The following CAST variants were observed in gnomAD, a reference collection of about 807,000 sequenced individuals.
CAST encodes the protein calpastatin.
Under a neutral mutation model 119.6 loss-of-function variants are expected in CAST, and 76 were observed. The observed-to-expected ratio is 0.64, with a 90% CI of 0.53 to 0.77. CAST has a LOEUF of 0.77. Among genes scored for constraint, CAST ranks in the 30% least tolerant of loss-of-function variants. The pLI is 0.00. For missense variants in CAST, 953 were observed against 946.5 expected (o/e 1.01, Z -0.09); for synonymous variants, 319 against 331.6 (o/e 0.96, Z 0.41).
At chr5:96,224,440 A>T in the CAST span, among the ~76,000 whole-genome samples, 1 of 152,124 alleles carries the variant, frequency 6.6e-6, no homozygotes, top group African/African-American at 2.4e-5. Context: ...TATTCTGTTG[A>T]TCTGGGTGGG....
intron 1 of CAST, among the ~76,000 whole-genome samples, chr5:96,603,566 A>G (rs149917543): frequency 2.0e-5 from 3 of 152,272 alleles, no homozygotes; most frequent in African/African-American, 4.8e-5. Flanking sequence ...ATCATCTCCT[A>G]TAATAGCAAT....
chr5:96,100,778 A>T, the CAST span, among the ~76,000 whole-genome samples: 2 of 152,196 alleles, frequency 1.3e-5, no homozygotes, highest in Non-Finnish European at 2.9e-5. Flanking sequence ...CAAGTCTTTT[A>T]TATAAAATTA....
chr5:96,122,335 T>C, the CAST span, among the ~76,000 whole-genome samples: 4 of 152,208 alleles, frequency 2.6e-5, no homozygotes, highest in African/African-American at 9.6e-5. Context: ...AATGCAAAGA[T>C]AACTTTTCCT....
chr5:96,081,563 C>T, the CAST span, among the ~76,000 whole-genome samples: 1 of 152,164 alleles, frequency 6.6e-6, no homozygotes, highest in Non-Finnish European at 1.5e-5. Context: ...GAGAGCTGGG[C>T]CATTCTGTTC....
At chr5:96,701,938 G>A (rs1417189817) in intron 3 of CAST, among the ~76,000 whole-genome samples, 2 of 152,116 alleles carry the variant, frequency 1.3e-5, no homozygotes, top group Non-Finnish European at 1.5e-5. Context: ...GCTGTGAGGA[G>A]TACCTTGAAA....
the CAST span, among the ~76,000 whole-genome samples, chr5:96,048,882 A>G: frequency 6.6e-6 from 1 of 152,158 alleles, no homozygotes; most frequent in African/African-American, 2.4e-5. Context: ...GGGTGAAGCA[A>G]TGGCTGGAGA....
the CAST span, among the ~76,000 whole-genome samples, chr5:96,269,474 T>G: frequency 1.3e-5 from 2 of 152,088 alleles, no homozygotes; most frequent in African/African-American, 2.4e-5. Context: ...CTAATTGACT[T>G]TTACAGAAAA....
chr5:96,657,425 G>A (rs927001792), upstream of CAST, among the ~76,000 whole-genome samples: 2 of 152,126 alleles, frequency 1.3e-5, no homozygotes, highest in African/African-American at 4.8e-5. Context: ...ATGAAGTCTA[G>A]GCCTGGGAAA....
the CAST span, among the ~76,000 whole-genome samples, chr5:96,301,726 G>A: frequency 1.3e-5 from 2 of 152,168 alleles, no homozygotes; most frequent in South Asian, 4.1e-4. Flanking sequence ...CTCACATCCG[G>A]CCACACTGAT....
intron 11 of CAST, among the ~76,000 whole-genome samples, chr5:96,739,571 T>C (rs1209320860): frequency 2.6e-5 from 4 of 152,234 alleles, no homozygotes; most frequent in East Asian, 1.9e-4. Context: ...TAAATTGATA[T>C]GCTAAAGTTC....
chr5:96,036,372 C>T, the CAST span, among the ~76,000 whole-genome samples: 1 of 151,984 alleles, frequency 6.6e-6, no homozygotes, highest in Non-Finnish European at 1.5e-5. Flanking sequence ...AGACTATGGA[C>T]TGAATTTGGC....
rs1766654203 is a variant in CAST, at chr5:96,757,746, A to G, written c.1833+92A>G. On this transcript the variant is annotated intron_variant, in intron 24 of 31. Transcript: ENST00000675179. ...TGCTCTGTCATCCAGGCGGGAGTAC[A>G]GTGGTGCCATCTTCAGTCACCGCAA... 6.1e-6 allele frequency: 5 copies of G among 813,610 alleles called. No homozygotes were observed. The South Asian group carries it at 8.3e-5, about 13-fold the overall frequency. 50.4% of individuals were successfully genotyped at this position (813,610 alleles called of 1,614,324 possible). A position where few individuals can be genotyped will look rare whatever the true frequency, so the allele number is the denominator to read the frequency against.
the CAST span, among the ~76,000 whole-genome samples, chr5:96,119,106 A>G: frequency 6.6e-6 from 1 of 152,098 alleles, no homozygotes; most frequent in Non-Finnish European, 1.5e-5. Context: ...TTTGCCATAG[A>G]CTTAATCTGG....
intron 3 of CAST, among the ~76,000 whole-genome samples, chr5:96,703,892 T>C (rs1754401093): frequency 6.6e-6 from 1 of 152,194 alleles, no homozygotes; most frequent in Non-Finnish European, 1.5e-5. Context: ...TTAATATAGA[T>C]TGCTTCTTTC....
At chr5:96,423,694 A>C in the CAST span, among the ~76,000 whole-genome samples, 1 of 152,092 alleles carries the variant, frequency 6.6e-6, no homozygotes, top group Non-Finnish European at 1.5e-5. Flanking sequence ...AAGATGAATC[A>C]CCTGTGCTCC....
chr5:96,268,398 C>T, the CAST span, among the ~76,000 whole-genome samples: 6 of 152,106 alleles, frequency 3.9e-5, no homozygotes, highest in African/African-American at 1.4e-4. Context: ...CATAGCAAAA[C>T]CCCATCTCTA....
intron 1 of CAST, among the ~76,000 whole-genome samples, chr5:96,560,948 T>A (rs1409095044): frequency 2.6e-5 from 4 of 152,192 alleles, no homozygotes; most frequent in Admixed American, 6.5e-5. Context: ...ACTTGGAACC[T>A]ACCCAAATGT....
At chr5:96,689,213 A>G (rs1009514459) in intron 2 of CAST, among the ~76,000 whole-genome samples, 3 of 152,208 alleles carry the variant, frequency 2.0e-5, no homozygotes, top group African/African-American at 7.2e-5. Context: ...TGTTACATAC[A>G]ATTTAAAGAG....
chr5:96,572,509 T>C (rs1195745913), intron 1 of CAST, among the ~76,000 whole-genome samples: 1 of 143,474 alleles, frequency 7.0e-6, no homozygotes, highest in Non-Finnish European at 1.6e-5. Context: ...TCCCAACTTG[T>C]GCTATTTTTA....
Sources: gnomAD v4.1 joint callset for allele counts (sites outside exome capture counted in the v4.1 genomes callset) on GRCh38, gnomAD v4.1.1 for gene constraint, MANE v1.5 for transcripts, NCBI Gene and HGNC (gene_info 2026-07-23, HGNC 2026-07-21) for gene names.